The following TOX variants were observed in gnomAD, a reference collection of about 807,000 sequenced individuals.
TOX encodes the protein thymocyte selection-associated high mobility group box protein TOX.
TOX carries 11 observed loss-of-function variants against 53.7 expected under a neutral mutation model. The ratio of observed to expected loss-of-function variants is 0.20; its 90% CI spans 0.13 to 0.34. The LOEUF (loss-of-function observed/expected upper bound fraction) is 0.34. TOX is among the 10% of genes least tolerant of loss of function. TOX has a pLI of 1.00. For missense variants in TOX, 570 were observed against 664.6 expected (o/e 0.86, Z 1.56); for synonymous variants, 225 against 245.3 (o/e 0.92, Z 0.77).
At chr8:59,041,152 A>T (rs906233530) in intron 1 of TOX, among the ~76,000 whole-genome samples, 7 of 151,068 alleles carry the variant, frequency 4.6e-5, no homozygotes, top group Non-Finnish European at 7.4e-5. Context: ...CGGGTGCTTT[A>T]TTTCCATTTC....
At chr8:59,061,209 C>T (rs7842820) in intron 1 of TOX, among the ~76,000 whole-genome samples, 76,898 of 152,022 alleles carry the variant, frequency 0.51, 20,633 homozygotes, top group Non-Finnish European at 0.6. Context: ...CGTGTGTATA[C>T]TTGTGCATAA....
At chr8:58,977,604 TTTTAA>T (rs1813124717) in intron 1 of TOX, among the ~76,000 whole-genome samples, 1 of 152,254 alleles carries the variant, frequency 6.6e-6, no homozygotes, top group South Asian at 2.1e-4. Context: ...GATTTCTACT[TTTTAA>T]TTTAAAGTGA....
At chr8:59,092,277 A>ATATATT (rs1804626621) in intron 1 of TOX, among the ~76,000 whole-genome samples, 1 of 121,734 alleles carries the variant, frequency 8.2e-6, no homozygotes, top group Non-Finnish European at 1.6e-5. Flanking sequence ...ATATATATAT[A>ATATATT]TATATTATAT....
At chr8:58,935,770 C>T (rs944535743) in intron 3 of TOX, among the ~76,000 whole-genome samples, 1 of 152,164 alleles carries the variant, frequency 6.6e-6, no homozygotes, top group Non-Finnish European at 1.5e-5. Flanking sequence ...AGCAAACTTG[C>T]TAGCAAAGAG....
chr8:58,860,162 C>A (rs936699659), intron 3 of TOX, among the ~76,000 whole-genome samples: 2 of 152,104 alleles, frequency 1.3e-5, no homozygotes, highest in Non-Finnish European at 1.5e-5. Context: ...GTGGAGGCAA[C>A]CCTGTTCATG....
At chr8:58,886,765 C>G (rs1811475821) in intron 3 of TOX, among the ~76,000 whole-genome samples, 1 of 151,944 alleles carries the variant, frequency 6.6e-6, no homozygotes. Context: ...TAAGTAAGGA[C>G]AGCTTTACTT....
At chr8:58,852,523 G>A (rs569274622) in intron 3 of TOX, among the ~76,000 whole-genome samples, 1 of 152,300 alleles carries the variant, frequency 6.6e-6, no homozygotes, top group East Asian at 1.9e-4. Flanking sequence ...ACTCACTCTT[G>A]TAATTCAAGC....
intron 1 of TOX, among the ~76,000 whole-genome samples, chr8:59,092,265 T>TTATATATATATATATATATATATTTTA (rs201625696): frequency 1.1e-5 from 1 of 89,930 alleles, no homozygotes; most frequent in South Asian, 2.6e-4. Context: ...TATATATATT[T>TTATATATATATATATATATATATTTTA]TATATATATA....
intron 3 of TOX, among the ~76,000 whole-genome samples, chr8:58,853,088 CAT>C (rs1020159864): frequency 2.6e-5 from 4 of 152,224 alleles, no homozygotes; most frequent in African/African-American, 9.6e-5. Context: ...CCACAGCCCC[CAT>C]GTGTGCCCTG....
At chr8:58,995,847 T>C (rs1175893704) in intron 1 of TOX, among the ~76,000 whole-genome samples, 1 of 152,222 alleles carries the variant, frequency 6.6e-6, no homozygotes, top group African/African-American at 2.4e-5. Context: ...TCGATTACTT[T>C]GTGCCATTTC....
intron 7 of TOX, among the ~76,000 whole-genome samples, chr8:58,809,060 G>A (rs946384642): frequency 6.6e-6 from 1 of 152,212 alleles, no homozygotes; most frequent in African/African-American, 2.4e-5. Context: ...TCTCTGAAGT[G>A]TATAGCTATA....
chr8:58,841,104 T>C (rs1810634588), intron 4 of TOX, among the ~76,000 whole-genome samples: 4 of 152,252 alleles, frequency 2.6e-5, no homozygotes, highest in Admixed American at 2.6e-4. Flanking sequence ...TGTGGGTGGA[T>C]GGTGGTCAAG....
At chr8:58,815,202 A>C in intron 7 of TOX, 136 bp downstream of exon 7, 1 of 1,157,200 alleles carries the variant, frequency 8.6e-7, no homozygotes. Flanking sequence ...GAATATCTTT[A>C]GTGCTCTCTT....
At chr8:58,808,291 C>A in intron 7 of TOX, 22 bp from the exon 8 acceptor site, 1 of 1,592,338 alleles carries the variant, frequency 6.3e-7, no homozygotes, top group Admixed American at 1.8e-5. Context: ...AGCAAGTCCG[C>A]AAATAAGGAT....
At chr8:58,907,654 G>A (rs572348123) in intron 3 of TOX, among the ~76,000 whole-genome samples, 7 of 152,100 alleles carry the variant, frequency 4.6e-5, no homozygotes, top group Non-Finnish European at 1.0e-4. Context: ...CAAGCATGAA[G>A]GCACATACAA....
At chr8:58,873,883 C>A (rs1811236787) in intron 3 of TOX, among the ~76,000 whole-genome samples, 1 of 146,342 alleles carries the variant, frequency 6.8e-6, no homozygotes, top group Admixed American at 6.9e-5. Context: ...TATTTAAGGG[C>A]AGAGACCAGA....
intron 1 of TOX, among the ~76,000 whole-genome samples, chr8:59,070,185 C>A (rs1182300855): frequency 6.6e-6 from 1 of 152,156 alleles, no homozygotes; most frequent in Non-Finnish European, 1.5e-5. Flanking sequence ...AATTCTCTCA[C>A]ATTTTTGCTC....
chr8:58,978,390 A>C (rs1406724968), intron 1 of TOX, among the ~76,000 whole-genome samples: 4 of 152,206 alleles, frequency 2.6e-5, no homozygotes. Flanking sequence ...GGTTCTTTCC[A>C]AACCTTGAAA....
intron 1 of TOX, among the ~76,000 whole-genome samples, chr8:58,970,649 T>C (rs1812985506): frequency 1.3e-5 from 2 of 152,222 alleles, no homozygotes; most frequent in Admixed American, 6.5e-5. Flanking sequence ...CTTTCTACTG[T>C]TGTTGCTTCA....
Sources: gnomAD v4.1 joint callset for allele counts (sites outside exome capture counted in the v4.1 genomes callset) on GRCh38, gnomAD v4.1.1 for gene constraint, MANE v1.5 for transcripts, NCBI Gene and HGNC (gene_info 2026-07-23, HGNC 2026-07-21) for gene names.